TASP1: variants seen among roughly 807,000 people sequenced by gnomAD.
TASP1 encodes the protein threonine aspartase 1.
In TASP1, 16 loss-of-function variants were observed where a neutral mutation model predicts 56.6. The observed-to-expected ratio is 0.28, with a 90% CI of 0.19 to 0.43. The LOEUF (loss-of-function observed/expected upper bound fraction) is 0.43. Among genes scored for constraint, TASP1 ranks in the 20% least tolerant of loss-of-function variants. The pLI, the probability that TASP1 is intolerant of heterozygous loss-of-function variation, is 1.00. For synonymous variants in TASP1, 179 were observed against 184.2 expected (o/e 0.97, Z 0.23); for missense variants, 393 against 511.6 (o/e 0.77, Z 2.24).
chr20:13,341,736 G>A, the TASP1 span, among the ~76,000 whole-genome samples: 1 of 152,160 alleles, frequency 6.6e-6, no homozygotes, highest in East Asian at 1.9e-4. Context: ...TCAAAATTCT[G>A]CAGATGAGTT....
intron 8 of TASP1, among the ~76,000 whole-genome samples, chr20:13,547,748 G>A (rs2045857299): frequency 6.6e-6 from 1 of 152,086 alleles, no homozygotes; most frequent in Admixed American, 6.6e-5. Flanking sequence ...CAGCCACTGA[G>A]GGTGAAAAGA....
At chr20:13,147,163 A>C in the TASP1 span, among the ~76,000 whole-genome samples, 4 of 152,144 alleles carry the variant, frequency 2.6e-5, no homozygotes, top group Admixed American at 6.5e-5. Context: ...CAGGGGCAAG[A>C]CTGAGCAGCC....
chr20:13,114,897 GC>G, the TASP1 span, among the ~76,000 whole-genome samples: 1 of 152,126 alleles, frequency 6.6e-6, no homozygotes, highest in African/African-American at 2.4e-5. Flanking sequence ...CAAAAAGGAG[GC>G]TTTTCACTTA....
At chr20:13,588,626 C>T (rs1200625165) in intron 4 of TASP1, among the ~76,000 whole-genome samples, 1 of 152,002 alleles carries the variant, frequency 6.6e-6, no homozygotes, top group Non-Finnish European at 1.5e-5. Flanking sequence ...GACTTGTATG[C>T]TAAAAACTGT....
chr20:13,567,403 T>C (rs2046570318), intron 7 of TASP1, among the ~76,000 whole-genome samples: 2 of 152,138 alleles, frequency 1.3e-5, no homozygotes, highest in African/African-American at 4.8e-5. Context: ...AACCTGTACA[T>C]GTGCCCCTAA....
At chr20:13,513,255 A>G (rs2044403683) in intron 10 of TASP1, among the ~76,000 whole-genome samples, 2 of 152,154 alleles carry the variant, frequency 1.3e-5, no homozygotes, top group Admixed American at 6.6e-5. Context: ...AGTACCTACT[A>G]TATCTTTAAG....
At chr20:13,618,051 G>A (rs1182488751) in intron 4 of TASP1, among the ~76,000 whole-genome samples, 5 of 151,858 alleles carry the variant, frequency 3.3e-5, no homozygotes, top group Admixed American at 2.6e-4. Context: ...GCTGGGGTCC[G>A]CTCACAATGA....
At chr20:13,373,450 C>A in the TASP1 span, among the ~76,000 whole-genome samples, 2 of 96,000 alleles carry the variant, frequency 2.1e-5, no homozygotes, top group African/African-American at 8.2e-5. Flanking sequence ...GCAGCAAATT[C>A]TTTCAGTTTT....
chr20:13,612,445 T>A (rs1402217015), intron 4 of TASP1, among the ~76,000 whole-genome samples: 1 of 151,388 alleles, frequency 6.6e-6, no homozygotes, highest in African/African-American at 2.4e-5. Flanking sequence ...AAACTGCCTA[T>A]CAAGACAAAA....
chr20:13,354,174 A>AT, the TASP1 span, among the ~76,000 whole-genome samples: 493 of 152,330 alleles, frequency 3.2e-3, 1 homozygote, highest in East Asian at 0.01. Context: ...ATAAACAGCA[A>AT]TTTTTTAAAA....
At chr20:13,295,089 C>T in the TASP1 span, among the ~76,000 whole-genome samples, 1 of 152,158 alleles carries the variant, frequency 6.6e-6, no homozygotes, top group African/African-American at 2.4e-5. Flanking sequence ...CCACCCACAC[C>T]ACCACCAGCC....
chr20:13,532,622 G>A (rs1407137987), intron 9 of TASP1, among the ~76,000 whole-genome samples: 1 of 152,174 alleles, frequency 6.6e-6, no homozygotes, highest in East Asian at 1.9e-4. Flanking sequence ...TTTTGCTCAG[G>A]ACAGTTCTAA....
intron 6 of TASP1, among the ~76,000 whole-genome samples, chr20:13,572,887 T>C (rs1407852308): frequency 6.6e-6 from 1 of 152,090 alleles, no homozygotes; most frequent in Non-Finnish European, 1.5e-5. Flanking sequence ...CAGTCTAAAA[T>C]GTGTAATTTA....
rs186034462 is a variant in TASP1, at chr20:13,617,118, G to A, written c.282+6328C>T. The A allele has an allele frequency of 6.2e-5, 28 of 450,848 alleles. No individual in the cohort carries two copies. The East Asian group carries it at 2.0e-3, about 32-fold the overall frequency. 27.9% of individuals were successfully genotyped at this position (450,848 alleles called of 1,614,324 possible). A position where few individuals can be genotyped will look rare whatever the true frequency, so the allele number is the denominator to read the frequency against. The stretch of plus-strand genomic sequence containing the variant: ...AACTCCATGAAGTGTAACTGTGTGT[G>A]TACACCTCAAAAAATAAAACAAAAA... On this transcript the variant is annotated intron_variant, in intron 4 of 13. Coordinates refer to ENST00000337743, the MANE Select transcript of TASP1 (RefSeq NM_017714.3).
At chr20:13,106,397 T>TA in the TASP1 span, among the ~76,000 whole-genome samples, 2 of 152,092 alleles carry the variant, frequency 1.3e-5, no homozygotes, top group Non-Finnish European at 2.9e-5. Context: ...TAAAAAATAA[T>TA]AGACAAGTCG....
chr20:13,225,002 C>T, the TASP1 span, among the ~76,000 whole-genome samples: 39 of 147,902 alleles, frequency 2.6e-4, no homozygotes, highest in East Asian at 9.7e-4. Flanking sequence ...CCTGCCACCA[C>T]GCCCGGCTAA....
chr20:13,595,125 T>A (rs1164060490), intron 4 of TASP1, among the ~76,000 whole-genome samples: 2 of 152,178 alleles, frequency 1.3e-5, no homozygotes, highest in African/African-American at 4.8e-5. Context: ...CCAGCCAAAC[T>A]AAGCTTCCTA....
intron 6 of TASP1, among the ~76,000 whole-genome samples, chr20:13,575,827 A>G (rs765357433): frequency 2.0e-5 from 3 of 152,134 alleles, no homozygotes; most frequent in African/African-American, 4.8e-5. Flanking sequence ...GTTCCAGACA[A>G]TGCAATAAAG....
intron 4 of TASP1, among the ~76,000 whole-genome samples, chr20:13,603,146 G>A (rs781742273): frequency 2.6e-5 from 4 of 152,144 alleles, no homozygotes; most frequent in African/African-American, 7.2e-5. Context: ...CTAGAGAATC[G>A]CTTGAACCCG....
Sources: gnomAD v4.1 joint callset for allele counts (sites outside exome capture counted in the v4.1 genomes callset) on GRCh38, gnomAD v4.1.1 for gene constraint, MANE v1.5 for transcripts, NCBI Gene and HGNC (gene_info 2026-07-23, HGNC 2026-07-21) for gene names.